Variants in KCNH7 observed in about 807,000 individuals in gnomAD.
The protein encoded by KCNH7 is potassium voltage-gated channel subfamily H member 7.
Under a neutral mutation model 120.8 loss-of-function variants are expected in KCNH7, and 49 were observed. The ratio of observed to expected loss-of-function variants is 0.41; its 90% CI spans 0.32 to 0.51. The LOEUF is 0.51. Ranked by LOEUF, KCNH7 falls within the 20% of genes least tolerant of loss-of-function variation. The pLI is 0.38. For synonymous variants in KCNH7, 547 were observed against 516.1 expected (o/e 1.06, Z -0.81); for missense variants, 1,097 against 1,446.6 (o/e 0.76, Z 3.92).
In KCNH7 at chr2:162,688,680, A is replaced by C. The variant is rs1236790541; in HGVS notation, c.307+147857T>G. ...ACTGTGGTATAGGTATTTTTAATAT[A>C]ATTCTCTGGTTCTGTGTTATCTCTT... On this transcript the variant is annotated intron_variant, in intron 2 of 15. Transcript: ENST00000332142. Among the ~76,000 whole-genome samples, 14 of 151,838 alleles carry C rather than the reference A, an allele frequency of 9.2e-5. No homozygotes were observed. In the East Asian group the frequency reaches 2.1e-3, roughly 23 times the overall value.
chr2:162,837,589 C>T (rs1685707508), intron 1 of KCNH7, among the ~76,000 whole-genome samples: 1 of 152,076 alleles, frequency 6.6e-6, no homozygotes, highest in African/African-American at 2.4e-5. Context: ...AAATGCAGTG[C>T]TGAAATAACC....
chr2:162,740,364 A>T (rs912168252), intron 2 of KCNH7, among the ~76,000 whole-genome samples: 2 of 152,196 alleles, frequency 1.3e-5, no homozygotes, highest in African/African-American at 4.8e-5. Flanking sequence ...AAGCATTGTG[A>T]GTGAAAGGCC....
At chr2:162,481,559 T>C (rs1040361339) in intron 6 of KCNH7, among the ~76,000 whole-genome samples, 2 of 152,154 alleles carry the variant, frequency 1.3e-5, no homozygotes, top group African/African-American at 4.8e-5. Context: ...TGTCTCCCCA[T>C]CATTTCCAGA....
chr2:162,567,549 T>C (rs1693299703), intron 2 of KCNH7, among the ~76,000 whole-genome samples: 1 of 152,012 alleles, frequency 6.6e-6, no homozygotes, highest in Admixed American at 6.6e-5. Context: ...AGCATCCAAG[T>C]GATTATGGCA....
intron 2 of KCNH7, among the ~76,000 whole-genome samples, chr2:162,545,703 C>A (rs1047413761): frequency 2.0e-5 from 3 of 151,990 alleles, no homozygotes; most frequent in African/African-American, 2.4e-5. Context: ...TTTTCACATC[C>A]CAGGACCAAT....
intron 8 of KCNH7, among the ~76,000 whole-genome samples, chr2:162,434,584 T>C (rs986268840): frequency 6.6e-6 from 1 of 152,026 alleles, no homozygotes; most frequent in Non-Finnish European, 1.5e-5. Context: ...TTATGAATGA[T>C]GCTCATGACA....
chr2:162,793,834 G>C (rs1398943784), intron 2 of KCNH7, among the ~76,000 whole-genome samples: 1 of 151,854 alleles, frequency 6.6e-6, no homozygotes, highest in Admixed American at 6.6e-5. Context: ...TTTTAACTTA[G>C]AGTTCATTTT....
Position 162,517,721 on chromosome 2 carries a change from C to A in KCNH7, c.892+9G>T. 6.5e-7 allele frequency: 1 copy of A among 1,536,498 alleles called. No individual in the cohort carries two copies. The highest frequency in any genetic ancestry group is 8.8e-7 in the Non-Finnish European group (1 of 1,138,022). ...TATATGTTTCCATTTAAAAAAAAATCAAACATACCTTCGCTGGCATGTCGG... is the reference window on the plus strand; with the variant it reads ...TATATGTTTCCATTTAAAAAAAAATAAAACATACCTTCGCTGGCATGTCGG... On this transcript the variant is annotated intron_variant, in intron 4 of 15. Transcript: ENST00000332142.
intron 8 of KCNH7, among the ~76,000 whole-genome samples, 153 bp downstream of exon 8, chr2:162,435,045 C>T (rs1688193254): frequency 6.6e-6 from 1 of 152,078 alleles, no homozygotes; most frequent in Non-Finnish European, 1.5e-5. Flanking sequence ...CAGAGAGAAT[C>T]AGATTTGATG....
intron 8 of KCNH7, among the ~76,000 whole-genome samples, chr2:162,428,405 T>C (rs1378823138): frequency 6.6e-6 from 1 of 151,896 alleles, no homozygotes; most frequent in Non-Finnish European, 1.5e-5. Flanking sequence ...AAATACTTTG[T>C]ATGATTTTAG....
intron 2 of KCNH7, among the ~76,000 whole-genome samples, chr2:162,714,151 C>T (rs1473714789): frequency 6.6e-6 from 1 of 152,192 alleles, no homozygotes; most frequent in Non-Finnish European, 1.5e-5. Context: ...TTATGTCTAG[C>T]TTGAACCTAA....
At chr2:162,683,842 AT>A (rs1438799832) in intron 2 of KCNH7, among the ~76,000 whole-genome samples, 1 of 151,922 alleles carries the variant, frequency 6.6e-6, no homozygotes, top group Non-Finnish European at 1.5e-5. Flanking sequence ...TAGAAAAAAA[AT>A]ACTTTAAATT....
At chr2:162,566,190 G>A (rs1468684622) in intron 2 of KCNH7, among the ~76,000 whole-genome samples, 42 of 151,934 alleles carry the variant, frequency 2.8e-4, no homozygotes, top group Admixed American at 2.7e-3. Context: ...AGCATCTGTT[G>A]TTTATTATTC....
chr2:162,611,189 G>C (rs1682951599), intron 2 of KCNH7, among the ~76,000 whole-genome samples: 1 of 152,140 alleles, frequency 6.6e-6, no homozygotes, highest in Admixed American at 6.5e-5. Context: ...GCATTGGTGT[G>C]GACCACCAGG....
At chr2:162,766,557 G>C (rs1483982524) in intron 2 of KCNH7, among the ~76,000 whole-genome samples, 1 of 152,126 alleles carries the variant, frequency 6.6e-6, no homozygotes, top group East Asian at 1.9e-4. Flanking sequence ...AGCTTGATTA[G>C]TGGAGAACTG....
intron 2 of KCNH7, among the ~76,000 whole-genome samples, chr2:162,671,138 G>A (rs1425187854): frequency 6.6e-6 from 1 of 152,076 alleles, no homozygotes; most frequent in African/African-American, 2.4e-5. Flanking sequence ...ATGTAAATTA[G>A]TTCATCTATG....
intron 2 of KCNH7, among the ~76,000 whole-genome samples, chr2:162,699,150 T>C (rs1002705562): frequency 6.6e-6 from 1 of 152,008 alleles, no homozygotes; most frequent in Non-Finnish European, 1.5e-5. Context: ...CCAGTCACCA[T>C]GTTGTACAGT....
rs75906256 is a variant in KCNH7 at position 162,623,628 on chromosome 2, C to T, written c.308-86548G>A. ...CTATGCTGCTTGAGTTCAAAGCCCA[C>T]CTATGTGAATGAATTATGTCACCTT... On this transcript the variant is annotated intron_variant, in intron 2 of 15. Coordinates refer to ENST00000332142, the MANE Select transcript of KCNH7 (RefSeq NM_033272.4). Among the ~76,000 whole-genome samples, 684 of 152,200 alleles carry T rather than the reference C, an allele frequency of 4.5e-3. 7 individuals are homozygous for T. The highest frequency in any genetic ancestry group is 0.016 in the African/African-American group (657 of 41,520).
intron 2 of KCNH7, among the ~76,000 whole-genome samples, chr2:162,829,447 A>G (rs1472705180): frequency 6.6e-6 from 1 of 152,164 alleles, no homozygotes; most frequent in African/African-American, 2.4e-5. Context: ...AGTGTGTAAC[A>G]TATTCAGTTG....
Sources: gnomAD v4.1 joint callset for allele counts (sites outside exome capture counted in the v4.1 genomes callset) on GRCh38, gnomAD v4.1.1 for gene constraint, MANE v1.5 for transcripts, NCBI Gene and HGNC (gene_info 2026-07-23, HGNC 2026-07-21) for gene names.